STON2: variants seen among roughly 807,000 people sequenced by gnomAD.
STON2 encodes the protein stonin 2, also known as stonin-2.
In STON2, 29 loss-of-function variants were observed where a neutral mutation model predicts 65.7. The observed-to-expected ratio is 0.44, with a 90% confidence interval of 0.33 to 0.60. The LOEUF (loss-of-function observed/expected upper bound fraction) is 0.60. Ranked by LOEUF, STON2 falls within the 20% of genes least tolerant of loss-of-function variation. The pLI is 0.03. For synonymous variants in STON2, 404 were observed against 414.2 expected (o/e 0.98, Z 0.30); for missense variants, 1,054 against 1,118.1 (o/e 0.94, Z 0.82).
chr14:81,338,398 T>G (rs993426965), intron 4 of STON2, among the ~76,000 whole-genome samples: 1 of 152,170 alleles, frequency 6.6e-6, no homozygotes, highest in African/African-American at 2.4e-5. Flanking sequence ...TGGACACATG[T>G]GAGTGTCAGA....
intron 3 of STON2, among the ~76,000 whole-genome samples, chr14:81,388,674 G>A (rs998055724): frequency 6.6e-6 from 1 of 152,126 alleles, no homozygotes; most frequent in African/African-American, 2.4e-5. Context: ...TCCAATGCTC[G>A]CTTGGCTTTA....
At chr14:81,328,074 TCTGA>T (rs894793619) in intron 4 of STON2, among the ~76,000 whole-genome samples, 1 of 152,214 alleles carries the variant, frequency 6.6e-6, no homozygotes, top group Admixed American at 6.5e-5. Context: ...TGTTTCAGTG[TCTGA>T]CAAATAGTAG....
At chr14:81,340,799 T>C (rs1445383931) in intron 4 of STON2, among the ~76,000 whole-genome samples, 1 of 152,106 alleles carries the variant, frequency 6.6e-6, no homozygotes, top group Non-Finnish European at 1.5e-5. Context: ...TGGGTTTTTA[T>C]AGCAGTTAGC....
intron 6 of STON2, among the ~76,000 whole-genome samples, chr14:81,272,915 G>A (rs770811630): frequency 3.3e-5 from 5 of 152,162 alleles, no homozygotes; most frequent in East Asian, 1.9e-4. Context: ...TAAATTGCCC[G>A]AGGTCACACA....
intron 5 of STON2, among the ~76,000 whole-genome samples, chr14:81,290,135 T>C (rs2081988): frequency 0.43 from 65,184 of 152,130 alleles, 16,264 homozygotes; most frequent in Non-Finnish European, 0.55. Context: ...TATTCCATTG[T>C]ATGGGCACAG....
At chr14:81,333,734 T>TG (rs1897284445) in intron 4 of STON2, among the ~76,000 whole-genome samples, 1 of 152,248 alleles carries the variant, frequency 6.6e-6, no homozygotes, top group African/African-American at 2.4e-5. Context: ...CCCCTGGTGA[T>TG]GCTGAATTCA....
chr14:81,295,106 C>T (rs1566894132), intron 5 of STON2, among the ~76,000 whole-genome samples: 1 of 152,102 alleles, frequency 6.6e-6, no homozygotes, highest in Non-Finnish European at 1.5e-5. Flanking sequence ...GGGCGGATCA[C>T]GAGGTCAGGA....
intron 2 of STON2, among the ~76,000 whole-genome samples, chr14:81,408,514 G>A (rs181264585): frequency 2.0e-5 from 3 of 152,126 alleles, no homozygotes; most frequent in Non-Finnish European, 2.9e-5. Flanking sequence ...CCTAACCCTA[G>A]GTGGCTTCCT....
Position 81,261,490 on chromosome 14 carries a change from T to C in STON2, c.*6924A>G. ...GAGATGCTATTTTGTAGCTTGTACATAGTTTAAAATTTTTTTAACTACAAT... is the reference window on the plus strand; with the variant it reads ...GAGATGCTATTTTGTAGCTTGTACACAGTTTAAAATTTTTTTAACTACAAT... On this transcript the variant is annotated 3_prime_UTR_variant, in exon 8 of 8. Transcript: ENST00000614646. The C allele has an allele frequency of 8.4e-6, 2 of 236,802 alleles. No homozygotes were observed. Among genetic ancestry groups the C allele is most frequent in the Admixed American group, 5.5e-5 (1 of 18,096 alleles). 14.7% of individuals were successfully genotyped at this position (236,802 alleles called of 1,614,324 possible).
At chr14:81,411,643 G>A (rs1202708176) in intron 2 of STON2, among the ~76,000 whole-genome samples, 2 of 152,224 alleles carry the variant, frequency 1.3e-5, no homozygotes, top group Admixed American at 6.5e-5. Context: ...GGAGGCAGAG[G>A]TTGCAGTGAG....
Position 81,265,396 on chromosome 14 carries a change from T to C in STON2, c.*3018A>G. The stretch of plus-strand genomic sequence containing the variant: ...TGGGTCCAGCATGGTGGCTCACGCC[T>C]GTAATCCCAGAGCTTTGGGAGACTG... On this transcript the variant is annotated 3_prime_UTR_variant, in exon 8 of 8. Coordinates refer to ENST00000614646, the MANE Select transcript of STON2 (RefSeq NM_001394390.1). The C allele has an allele frequency of 4.2e-6, 4 of 963,406 alleles. No homozygotes were observed. The highest frequency in any genetic ancestry group is 3.7e-6 in the Non-Finnish European group (3 of 810,058). The allele number at this position is 963,406 out of a possible 1,614,324, so 59.7% of individuals were successfully genotyped here.
rs1452327286 is a variant in STON2, at chr14:81,268,475, C to T, written c.2807G>A (p.Ser936Asn). Residue 936 changes from serine to asparagine, a missense_variant, in exon 8 of 8, where the codon AGT (serine) becomes AAT (asparagine). By Grantham distance (46) the Ser-to-Asn change is conservative (BLOSUM62 1). Transcript: ENST00000614646. ...SYQVEIEQKK[S>N]LKPDFEGDEM... ...ATCTCCTTCAAAGTCCGGCTTCAAA[C>T]TCTTTTTTTGCTCAATTTCCACCTG... is the stretch of plus-strand genomic sequence containing the variant. 7.8e-7 allele frequency: 1 copy of T among 1,289,496 alleles called. No homozygotes were observed. Among genetic ancestry groups the T allele is most frequent in the African/African-American group, 1.5e-5 (1 of 65,864 alleles). The allele number at this position is 1,289,496 out of a possible 1,614,324, so 79.9% of individuals were successfully genotyped here.
intron 5 of STON2, among the ~76,000 whole-genome samples, chr14:81,293,394 G>A (rs142332811): frequency 0.016 from 2,449 of 152,048 alleles, 71 homozygotes; most frequent in African/African-American, 0.056. Context: ...GGATGGTCTC[G>A]ATCTCTTGAC....
rs554301897 is a variant in STON2, at chr14:81,369,022, T to C, written c.571+1966A>G. Among the ~76,000 whole-genome samples the C allele has an allele frequency of 1.4e-3, 220 of 152,254 alleles. 1 individual carries two copies. The highest frequency in any genetic ancestry group is 3.4e-3 in the Middle Eastern group (1 of 294). ...CATGTCCTTTGGCCTCAGGCTAGGA[T>C]CTACTAGTTGGAAACACCAGCACCA... is the stretch of plus-strand genomic sequence containing the variant. On this transcript the variant is annotated intron_variant, in intron 4 of 7. Coordinates refer to ENST00000614646, the MANE Select transcript of STON2 (RefSeq NM_001394390.1).
At chr14:81,350,858 T>C (rs1033080367) in intron 4 of STON2, among the ~76,000 whole-genome samples, 1 of 152,196 alleles carries the variant, frequency 6.6e-6, no homozygotes, top group Admixed American at 6.5e-5. Flanking sequence ...TGATACTTTG[T>C]TGAGTGCATG....
chr14:81,279,859 A>G (rs931335596), intron 5 of STON2, among the ~76,000 whole-genome samples: 5 of 152,232 alleles, frequency 3.3e-5, no homozygotes, highest in African/African-American at 1.2e-4. Context: ...ATCTTAACAC[A>G]TGTTAATAAA....
intron 5 of STON2, among the ~76,000 whole-genome samples, chr14:81,311,040 T>C (rs959668684): frequency 6.6e-6 from 1 of 152,126 alleles, no homozygotes; most frequent in African/African-American, 2.4e-5. Context: ...CAGGGTAGGT[T>C]TGAGCTAGGA....
chr14:81,427,675 C>A lies in STON2; in HGVS notation c.-309-463G>T, dbSNP rs189278013. Among the ~76,000 whole-genome samples the A allele has an allele frequency of 2.0e-4, 30 of 150,864 alleles. No individual in the cohort carries two copies. In the East Asian group the frequency reaches 5.7e-3, roughly 28 times the overall value. On this transcript the variant is annotated intron_variant, in intron 1 of 8. Coordinates refer to the STON2 transcript ENST00000553821. ...AGATCCTCACTCCCTAACTCACCAACTTTTTAGAGATCATAACAAAAAGAA... is the reference window on the plus strand; with the variant it reads ...AGATCCTCACTCCCTAACTCACCAAATTTTTAGAGATCATAACAAAAAGAA...
intron 1 of STON2, among the ~76,000 whole-genome samples, chr14:81,399,301 T>C (rs548968562): frequency 3.5e-4 from 54 of 152,358 alleles, no homozygotes; most frequent in Admixed American, 2.9e-3. Flanking sequence ...TTTTACAACC[T>C]GAACCTAGCT....
Sources: gnomAD v4.1 joint callset for allele counts (sites outside exome capture counted in the v4.1 genomes callset) on GRCh38, gnomAD v4.1.1 for gene constraint, MANE v1.5 for transcripts, NCBI Gene and HGNC (gene_info 2026-07-23, HGNC 2026-07-21) for gene names.